Variants in DCLK3 observed in about 807,000 individuals in gnomAD.
The protein encoded by DCLK3 is doublecortin like kinase 3.
DCLK3 carries 30 observed loss-of-function variants against 46.4 expected under a neutral mutation model. That is an observed-to-expected ratio of 0.65 (90% CI 0.48 to 0.88). The LOEUF is 0.88. Among genes scored for constraint, DCLK3 ranks in the 40% least tolerant of loss-of-function variants. DCLK3 has a pLI of 0.00. For synonymous variants in DCLK3, 401 were observed against 339.2 expected (o/e 1.18, Z -2.00); for missense variants, 846 against 907.1 (o/e 0.93, Z 0.87).
intron 1 of DCLK3, among the ~76,000 whole-genome samples, chr3:36,741,607 C>A (rs969749312): frequency 6.6e-6 from 1 of 152,128 alleles, no homozygotes; most frequent in Non-Finnish European, 1.5e-5. Flanking sequence ...TTTTCAACAC[C>A]TAATGAGGTA....
Position 36,737,366 on chromosome 3 carries a change from C to T in DCLK3, c.1801G>A (p.Glu601Lys). The change falls in exon 2 of 5, where the codon GAG (glutamate) becomes AAG (lysine). Residue 601 changes from glutamate to lysine, a missense_variant. Physicochemically the swap from Glu to Lys is moderately conservative, Grantham distance 56. This residue lies in a region of DCLK3 where 247 missense variants were observed against 322.8 expected (regional missense o/e 0.77). Coordinates refer to ENST00000636136, the MANE Select transcript of DCLK3 (RefSeq NM_001394672.2). The surrounding 1 kb of genome is among the most constrained non-coding windows in gnomAD (Gnocchi z 4.4). ...AAAAGGTCTCCTCCCTGCACGTACT[C>T]CAGGATCAGGTAGATTTCCATGTCT... ...ETDMEIYLIL[E>K]YVQGGDLFDA... 6.2e-7 allele frequency: 1 copy of T among 1,614,158 alleles called. No homozygotes were observed. Among genetic ancestry groups the T allele is most frequent in the Non-Finnish European group, 8.5e-7 (1 of 1,180,032 alleles).
chr3:36,731,889 A>G (rs1200642255), intron 2 of DCLK3, among the ~76,000 whole-genome samples: 1 of 152,134 alleles, frequency 6.6e-6, no homozygotes, highest in South Asian at 2.1e-4. Context: ...CAATTAGACA[A>G]CTAGACCTGA....
chr3:36,722,160 G>GA (rs981507388), intron 2 of DCLK3, among the ~76,000 whole-genome samples: 4 of 151,932 alleles, frequency 2.6e-5, no homozygotes, highest in African/African-American at 9.7e-5. Context: ...TGGGCAGAGG[G>GA]AAAAAAGAAA....
chr3:36,750,891 A>G (rs1701434609), intron 1 of DCLK3, among the ~76,000 whole-genome samples: 1 of 152,028 alleles, frequency 6.6e-6, no homozygotes, highest in Non-Finnish European at 1.5e-5. Flanking sequence ...ACAGAGCAGC[A>G]CTCAGAGGCG....
intron 2 of DCLK3, among the ~76,000 whole-genome samples, chr3:36,727,658 G>A (rs1368285312): frequency 2.6e-5 from 4 of 152,168 alleles, no homozygotes; most frequent in Non-Finnish European, 4.4e-5. Context: ...GCAGAACTTG[G>A]TGGGGGGCAG....
chr3:36,716,992 T>C lies in DCLK3; in HGVS notation c.2260+1018A>G, dbSNP rs544508598. On this transcript the variant is annotated intron_variant, in intron 4 of 4. Coordinates refer to ENST00000636136, the MANE Select transcript of DCLK3 (RefSeq NM_001394672.2). ...TTTAAAGGGGGGAAAATGAAGATTT[T>C]CCCTTCCCTCATCCTCCAATCCCAG... Among the ~76,000 whole-genome samples the C allele has an allele frequency of 4.8e-4, 73 of 152,374 alleles. No individual in the cohort carries two copies. The Middle Eastern group carries it at 0.01, about 21-fold the overall frequency.
At chr3:36,741,061 A>G (rs946670743) in intron 1 of DCLK3, among the ~76,000 whole-genome samples, 3 of 152,244 alleles carry the variant, frequency 2.0e-5, no homozygotes, top group Admixed American at 1.3e-4. Flanking sequence ...AATCACATTT[A>G]CAGTTAAACT....
At chr3:36,749,355 C>T (rs1359562283) in intron 1 of DCLK3, among the ~76,000 whole-genome samples, 1 of 152,202 alleles carries the variant, frequency 6.6e-6, no homozygotes, top group Non-Finnish European at 1.5e-5. Flanking sequence ...TTATCAAACC[C>T]TAGGGGCCCT....
intron 1 of DCLK3, among the ~76,000 whole-genome samples, chr3:36,744,800 G>A (rs1457787117): frequency 6.6e-6 from 1 of 152,212 alleles, no homozygotes; most frequent in African/African-American, 2.4e-5. Context: ...TAAAAAACCA[G>A]TAGGGACGGG....
chr3:36,720,124 C>T (rs1701037105), intron 3 of DCLK3, among the ~76,000 whole-genome samples: 1 of 152,182 alleles, frequency 6.6e-6, no homozygotes, highest in African/African-American at 2.4e-5. Flanking sequence ...TTAGTACCAT[C>T]CCCTTGGTGA....
chr3:36,751,334 T>C (rs994927920), intron 1 of DCLK3, among the ~76,000 whole-genome samples: 2 of 152,100 alleles, frequency 1.3e-5, no homozygotes, highest in African/African-American at 2.4e-5. Flanking sequence ...CACCAAGCAG[T>C]CCTCACTGCT....
intron 2 of DCLK3, among the ~76,000 whole-genome samples, chr3:36,724,595 C>T (rs527337918): frequency 1.3e-4 from 20 of 152,140 alleles, no homozygotes; most frequent in African/African-American, 2.7e-4. Flanking sequence ...ATCAGTCTCA[C>T]GAGATCTGAC....
intron 2 of DCLK3, among the ~76,000 whole-genome samples, chr3:36,735,149 T>C (rs1206534118): frequency 6.6e-6 from 1 of 152,188 alleles, no homozygotes; most frequent in Non-Finnish European, 1.5e-5. Context: ...TCGAAAGGGA[T>C]CTCTCCTGCT....
At chr3:36,759,898 T>A (rs1195922071) in intron 1 of DCLK3, among the ~76,000 whole-genome samples, 1 of 152,284 alleles carries the variant, frequency 6.6e-6, no homozygotes, top group African/African-American at 2.4e-5. Context: ...CACCATATCA[T>A]AATCGTACAT....
chr3:36,747,660 T>C (rs1701404563), intron 1 of DCLK3, among the ~76,000 whole-genome samples: 1 of 152,186 alleles, frequency 6.6e-6, no homozygotes, highest in Non-Finnish European at 1.5e-5. Context: ...GGGAAATTTA[T>C]GTCCGCTTTT....
In DCLK3 at chr3:36,712,688, T is replaced by C. The variant is rs1259296216; in HGVS notation, c.*2640A>G. ...TGTATTTTCTGGAATAGTATGTAAATGAAATAATCAAAATGTAGTCTTTTT... is the reference window on the plus strand; with the variant it reads ...TGTATTTTCTGGAATAGTATGTAAACGAAATAATCAAAATGTAGTCTTTTT... On this transcript the variant is annotated 3_prime_UTR_variant, in exon 5 of 5. Coordinates refer to ENST00000636136, the MANE Select transcript of DCLK3 (RefSeq NM_001394672.2). The C allele has an allele frequency of 6.6e-6, 1 of 152,246 alleles. No individual in the cohort carries two copies. Among genetic ancestry groups the C allele is most frequent in the African/African-American group, 2.4e-5 (1 of 41,466 alleles). The allele number at this position is 152,246 out of a possible 1,614,324, so 9.4% of individuals were successfully genotyped here.
intron 1 of DCLK3, among the ~76,000 whole-genome samples, chr3:36,757,917 C>T (rs966768488): frequency 6.6e-6 from 1 of 152,088 alleles, no homozygotes; most frequent in Middle Eastern, 3.2e-3. Flanking sequence ...CTCTCAAATC[C>T]ATGCTTCCTC....
At chr3:36,729,391 A>G (rs532111832) in intron 2 of DCLK3, among the ~76,000 whole-genome samples, 1 of 152,230 alleles carries the variant, frequency 6.6e-6, no homozygotes, top group African/African-American at 2.4e-5. Flanking sequence ...TTGTTCCCTA[A>G]CTGAAAGGGT....
At chr3:36,731,855 A>G (rs1319061569) in intron 2 of DCLK3, among the ~76,000 whole-genome samples, 1 of 152,146 alleles carries the variant, frequency 6.6e-6, no homozygotes, top group Admixed American at 6.5e-5. Flanking sequence ...CACAAGATGA[A>G]CCAGAACCTG....
Sources: gnomAD v4.1 joint callset for allele counts (sites outside exome capture counted in the v4.1 genomes callset) on GRCh38, gnomAD v4.1.1 for gene constraint, gnomAD v4.1.1 regional missense constraint, Gnocchi (gnomAD v3.1) non-coding constraint, MANE v1.5 for transcripts, NCBI Gene and HGNC (gene_info 2026-07-23, HGNC 2026-07-21) for gene names.